The following DDR2 variants were observed in gnomAD, a reference collection of about 807,000 sequenced individuals.
DDR2 encodes the protein discoidin domain-containing receptor 2.
Under a neutral mutation model 94.9 loss-of-function variants are expected in DDR2, and 27 were observed. The ratio of observed to expected loss-of-function variants is 0.28; its 90% CI spans 0.21 to 0.39. The LOEUF is 0.39. Among genes scored for constraint, DDR2 ranks in the 10% least tolerant of loss-of-function variants. The pLI, the probability that DDR2 is intolerant of heterozygous loss-of-function variation, is 1.00. For synonymous variants in DDR2, 382 were observed against 377.2 expected (o/e 1.01, Z -0.15); for missense variants, 783 against 1,076.0 (o/e 0.73, Z 3.81).
rs1648188727 is a variant in DDR2 at position 162,787,321 on chromosome 1, T to C, written c.*7075T>C. 1 of 151,182 alleles carries C rather than the reference T, an allele frequency of 6.6e-6. No homozygotes were observed. The highest frequency in any genetic ancestry group is 1.5e-5 in the Non-Finnish European group (1 of 67,866). The allele number at this position is 151,182 out of a possible 1,614,324, so 9.4% of individuals were successfully genotyped here. On this transcript the variant is annotated 3_prime_UTR_variant, in exon 18 of 18. Transcript: ENST00000367921. Reference sequence around the variant, plus strand: ...ATCCATTCACTCATCAATAAAAACATATTATGATGGTTATCAAGCTGTGTC... The same window carrying C: ...ATCCATTCACTCATCAATAAAAACACATTATGATGGTTATCAAGCTGTGTC...
chr1:162,726,762 C>A (rs1038040365), intron 3 of DDR2, among the ~76,000 whole-genome samples: 1 of 152,072 alleles, frequency 6.6e-6, no homozygotes, highest in African/African-American at 2.4e-5. Context: ...TAAGAGTCTA[C>A]AGAAGAACAA....
intron 2 of DDR2, chr1:162,705,029 A>G (rs1274340300): frequency 6.6e-6 from 1 of 152,186 alleles, no homozygotes; most frequent in East Asian, 1.9e-4. Context: ...CTTCTGATTA[A>G]TGTTTGCTGT....
rs1182575785 is a variant in DDR2, at chr1:162,646,942, G to GA, written c.-191-8263dup. ...GGATGCCTCAAGAACCATGACTTTT[G>GA]AAAAAATCCATCCTTGTACCTCAAG... is the stretch of plus-strand genomic sequence containing the variant. On this transcript the variant is annotated intron_variant, in intron 1 of 17. Coordinates refer to ENST00000367921, the MANE Select transcript of DDR2 (RefSeq NM_006182.4). 7.2e-5 allele frequency among the ~76,000 whole-genome samples: 11 copies of GA among 152,202 alleles called. 1 individual carries two copies. The East Asian group carries it at 1.9e-3, about 27-fold the overall frequency.
At chr1:162,653,445 C>T (rs914269729) in intron 1 of DDR2, among the ~76,000 whole-genome samples, 2 of 151,986 alleles carry the variant, frequency 1.3e-5, no homozygotes, top group Non-Finnish European at 2.9e-5. Context: ...GGCATGGTGG[C>T]GAGTGCCTGT....
intron 7 of DDR2, among the ~76,000 whole-genome samples, chr1:162,758,487 T>C (rs1663564480): frequency 6.6e-6 from 1 of 152,188 alleles, no homozygotes; most frequent in South Asian, 2.1e-4. Context: ...TAATTTCTGT[T>C]GCTTTTCATA....
intron 1 of DDR2, among the ~76,000 whole-genome samples, chr1:162,651,639 T>C (rs1657697558): frequency 6.6e-6 from 1 of 152,236 alleles, no homozygotes; most frequent in South Asian, 2.1e-4. Flanking sequence ...CTATAGTACA[T>C]ATTACATACT....
At chr1:162,766,180 A>T in intron 10 of DDR2, 117 bp downstream of exon 10, 2 of 1,059,656 alleles carry the variant, frequency 1.9e-6, no homozygotes, top group Non-Finnish European at 2.9e-6. Context: ...TTGGCTTTGG[A>T]TGAAGAGTAG....
intron 1 of DDR2, among the ~76,000 whole-genome samples, chr1:162,654,648 A>G (rs1043458543): frequency 2.0e-5 from 3 of 152,106 alleles, no homozygotes; most frequent in African/African-American, 7.2e-5. Context: ...GTGTTCTGGG[A>G]TTCTGGGGAG....
intron 1 of DDR2, among the ~76,000 whole-genome samples, chr1:162,648,365 G>A (rs1285509795): frequency 6.6e-6 from 1 of 152,184 alleles, no homozygotes; most frequent in African/African-American, 2.4e-5. Context: ...TCAGTTAACA[G>A]TGAGGACAGG....
At chr1:162,644,425 A>G (rs888101897) in intron 1 of DDR2, among the ~76,000 whole-genome samples, 1 of 152,176 alleles carries the variant, frequency 6.6e-6, no homozygotes, top group Non-Finnish European at 1.5e-5. Context: ...TTTCAAATCC[A>G]TCCTTATGAT....
chr1:162,647,152 A>G (rs1275130404), intron 1 of DDR2, among the ~76,000 whole-genome samples: 1 of 152,216 alleles, frequency 6.6e-6, no homozygotes, highest in African/African-American at 2.4e-5. Flanking sequence ...AGCATGGCAA[A>G]GAGCCGATGA....
Position 162,672,128 on chromosome 1 carries a change from G to A in DDR2, c.-28+16754G>A, listed in dbSNP as rs567140019. 2.9e-3 allele frequency among the ~76,000 whole-genome samples: 446 copies of A among 152,300 alleles called. 2 individuals carry two copies. The highest frequency in any genetic ancestry group is 0.01 in the African/African-American group (429 of 41,572). On this transcript the variant is annotated intron_variant, in intron 2 of 17. Coordinates refer to ENST00000367921, the MANE Select transcript of DDR2 (RefSeq NM_006182.4). The stretch of plus-strand genomic sequence containing the variant: ...AAAGCCTTCAGTGGACCACTGCTGG[G>A]CTCTGCAGCCAGGTGCTTGTGTTCT...
chr1:162,753,072 C>G lies in DDR2; in HGVS notation c.83-23C>G, dbSNP rs776355784. ...AAAATAAAACCATGTCCTCTCTTTT[C>G]TCTTTGGTTTCTCTTGGTCTAGCTA... On this transcript the variant is annotated intron_variant, in intron 3 of 17. Transcript: ENST00000367921. 1.9e-6 allele frequency: 3 copies of G among 1,597,408 alleles called. No homozygotes were observed. In the African/African-American group the frequency reaches 4.0e-5, roughly 21 times the overall value.
At chr1:162,655,764 C>T (rs1308058666) in intron 2 of DDR2, among the ~76,000 whole-genome samples, 7 of 152,128 alleles carry the variant, frequency 4.6e-5, no homozygotes, top group African/African-American at 1.7e-4. Flanking sequence ...TCTAATATTA[C>T]AATTTGTTTT....
intron 3 of DDR2, among the ~76,000 whole-genome samples, chr1:162,730,058 C>CA (rs1157549226): frequency 0.024 from 1,515 of 63,604 alleles, 11 homozygotes; most frequent in East Asian, 0.052. Context: ...TTTTTTTTTG[C>CA]AAAAAAAAAA....
intron 3 of DDR2, among the ~76,000 whole-genome samples, chr1:162,735,845 G>A (rs1488042798): frequency 6.6e-6 from 1 of 152,244 alleles, no homozygotes; most frequent in East Asian, 1.9e-4. Flanking sequence ...AGAATGAGCA[G>A]TACGTTAGAA....
intron 3 of DDR2, among the ~76,000 whole-genome samples, chr1:162,728,787 G>A (rs1328441940): frequency 6.6e-6 from 1 of 152,120 alleles, no homozygotes; most frequent in Non-Finnish European, 1.5e-5. Flanking sequence ...GTAGCAGGGT[G>A]TGATGACCAC....
At chr1:162,724,544 G>A (rs1162760556) in intron 3 of DDR2, among the ~76,000 whole-genome samples, 2 of 152,076 alleles carry the variant, frequency 1.3e-5, no homozygotes, top group Non-Finnish European at 2.9e-5. Context: ...CTTTATCACC[G>A]CTCCCTTGTC....
Position 162,785,163 on chromosome 1 carries a change from C to T in DDR2, c.*4917C>T, listed in dbSNP as rs1160194991. ...TTAGGCAACACAAAACACAGTAAGA[C>T]CTGTTCATAGCTTGTTGTCTAGAAA... On this transcript the variant is annotated 3_prime_UTR_variant, in exon 18 of 18. Transcript: ENST00000367921. The T allele has an allele frequency of 6.6e-6, 1 of 152,124 alleles. No individual in the cohort carries two copies. The highest frequency in any genetic ancestry group is 2.4e-5 in the African/African-American group (1 of 41,430). 9.4% of individuals were successfully genotyped at this position (152,124 alleles called of 1,614,324 possible).
Sources: gnomAD v4.1 joint callset for allele counts (sites outside exome capture counted in the v4.1 genomes callset) on GRCh38, gnomAD v4.1.1 for gene constraint, MANE v1.5 for transcripts, NCBI Gene and HGNC (gene_info 2026-07-23, HGNC 2026-07-21) for gene names.